Variants in TBC1D5 observed in about 807,000 individuals in gnomAD.
TBC1D5 encodes TBC1 domain family member 5.
TBC1D5 carries 75 observed loss-of-function variants against 100.3 expected under a neutral mutation model. The ratio of observed to expected loss-of-function variants is 0.75; its 90% CI spans 0.62 to 0.91. TBC1D5 has a LOEUF of 0.91. Ranked by LOEUF, TBC1D5 falls within the 40% of genes least tolerant of loss-of-function variation. The probability of loss-of-function intolerance (pLI) is 0.00; values close to 1 mark genes in which losing one functional copy is unlikely to be tolerated. For synonymous variants in TBC1D5, 323 were observed against 325.6 expected (o/e 0.99, Z 0.09); for missense variants, 910 against 942.4 (o/e 0.97, Z 0.45).
intron 1 of TBC1D5, among the ~76,000 whole-genome samples, chr3:17,736,561 C>A (rs949394562): frequency 6.6e-6 from 1 of 152,176 alleles, no homozygotes; most frequent in South Asian, 2.1e-4. Flanking sequence ...ATCAACTCCA[C>A]GTCTCCAACC....
In TBC1D5 at chr3:17,513,077, T is replaced by C. The variant is rs187417170; in HGVS notation, c.-35-4472A>G. Among the ~76,000 whole-genome samples, 29 of 152,314 alleles carry C rather than the reference T, an allele frequency of 1.9e-4. No homozygotes were observed. The East Asian group carries it at 4.2e-3, about 22-fold the overall frequency. ...GGCCGGGCATGGTGGCTTATGTCTATAATCCCAGCACTTTGGGAGGCAGAG... is the reference window on the plus strand; with the variant it reads ...GGCCGGGCATGGTGGCTTATGTCTACAATCCCAGCACTTTGGGAGGCAGAG... On this transcript the variant is annotated intron_variant, in intron 2 of 21. Transcript: ENST00000253692.
At chr3:17,693,717 G>A (rs1161708808) in intron 1 of TBC1D5, among the ~76,000 whole-genome samples, 1 of 152,256 alleles carries the variant, frequency 6.6e-6, no homozygotes, top group Non-Finnish European at 1.5e-5. Context: ...TGACGGCTCT[G>A]AAGAGAGCAG....
At chr3:17,311,186 T>C (rs1204758821) in intron 13 of TBC1D5, among the ~76,000 whole-genome samples, 1 of 152,034 alleles carries the variant, frequency 6.6e-6, no homozygotes, top group Non-Finnish European at 1.5e-5. Flanking sequence ...AGAGTTTAAG[T>C]TACACTTAAG....
rs566616800 is a variant in TBC1D5 at position 17,710,029 on chromosome 3, C to A, written c.-101+29314G>T. Among the ~76,000 whole-genome samples the A allele has an allele frequency of 1.3e-5, 2 of 152,148 alleles. 1 individual carries two copies. Among genetic ancestry groups the A allele is most frequent in the South Asian group, 4.2e-4 (2 of 4,818 alleles). On this transcript the variant is annotated intron_variant, in intron 1 of 21. Transcript: ENST00000253692. The stretch of plus-strand genomic sequence containing the variant: ...ATTATTTAGAAGCCTTGTGCTCAAT[C>A]TAAAGAATACATACCTCAACATTTT...
intron 8 of TBC1D5, among the ~76,000 whole-genome samples, chr3:17,394,228 T>C (rs2093437432): frequency 6.6e-6 from 1 of 152,122 alleles, no homozygotes. Context: ...TTGAATAAGA[T>C]TTGAGATACT....
chr3:17,563,845 T>G (rs567974059), intron 2 of TBC1D5, among the ~76,000 whole-genome samples: 12 of 152,306 alleles, frequency 7.9e-5, no homozygotes, highest in Admixed American at 4.6e-4. Context: ...TGCAGTGGCT[T>G]GATCTCAGCT....
intron 1 of TBC1D5, among the ~76,000 whole-genome samples, chr3:17,732,246 A>G (rs2076622995): frequency 6.6e-6 from 1 of 151,974 alleles, no homozygotes; most frequent in Admixed American, 6.6e-5. Context: ...TGAACCTATG[A>G]GGCAGAGATT....
chr3:17,521,187 TA>T (rs765526456), intron 2 of TBC1D5, among the ~76,000 whole-genome samples: 23 of 152,288 alleles, frequency 1.5e-4, no homozygotes, highest in Middle Eastern at 3.4e-3. Context: ...AGACTATTCT[TA>T]AACAGTTCTG....
intron 4 of TBC1D5, among the ~76,000 whole-genome samples, chr3:17,425,308 C>G (rs1389172306): frequency 1.3e-5 from 2 of 152,142 alleles, no homozygotes; most frequent in African/African-American, 4.8e-5. Context: ...AGGATCTGAA[C>G]CAGTACACTA....
At chr3:17,426,666 A>T (rs2094343630) in intron 4 of TBC1D5, among the ~76,000 whole-genome samples, 1 of 152,076 alleles carries the variant, frequency 6.6e-6, no homozygotes, top group Non-Finnish European at 1.5e-5. Flanking sequence ...ACTAGGAGTT[A>T]CTTTTCAAAA....
At chr3:17,317,613 A>G (rs1466152977) in intron 13 of TBC1D5, among the ~76,000 whole-genome samples, 5 of 152,276 alleles carry the variant, frequency 3.3e-5, no homozygotes, top group Non-Finnish European at 7.3e-5. Context: ...CTATGTGTAT[A>G]TAATATTTTT....
intron 15 of TBC1D5, among the ~76,000 whole-genome samples, chr3:17,289,541 G>A (rs1240537023): frequency 6.6e-6 from 1 of 151,918 alleles, no homozygotes; most frequent in Non-Finnish European, 1.5e-5. Flanking sequence ...GGGTGAGGCA[G>A]GAGAATCGCT....
chr3:17,398,291 A>T (rs1490280617), intron 8 of TBC1D5, among the ~76,000 whole-genome samples: 1 of 152,138 alleles, frequency 6.6e-6, no homozygotes. Flanking sequence ...AATTAATTGA[A>T]ATGATTGCAA....
chr3:17,564,325 A>G (rs2096580385), intron 2 of TBC1D5, among the ~76,000 whole-genome samples: 1 of 152,316 alleles, frequency 6.6e-6, no homozygotes, highest in Admixed American at 6.5e-5. Flanking sequence ...CATACCCTAT[A>G]AAGTGAAATA....
chr3:17,309,198 A>T (rs2083719640), intron 13 of TBC1D5, among the ~76,000 whole-genome samples: 1 of 152,038 alleles, frequency 6.6e-6, no homozygotes, highest in South Asian at 2.1e-4. Flanking sequence ...GGCAAAAAAA[A>T]TTCAAATATT....
intron 4 of TBC1D5, 69 bp downstream of exon 4, chr3:17,428,381 T>A (rs2094381961): frequency 6.0e-6 from 3 of 501,000 alleles, no homozygotes; most frequent in Admixed American, 1.0e-4. Context: ...TTATACATTA[T>A]CTTATAATAT....
chr3:17,209,386 AGCAAT>A (rs1246141602), intron 18 of TBC1D5, among the ~76,000 whole-genome samples: 1 of 152,182 alleles, frequency 6.6e-6, no homozygotes, highest in Non-Finnish European at 1.5e-5. Flanking sequence ...CCTGGACTCA[AGCAAT>A]GCTCCCAACT....
intron 1 of TBC1D5, among the ~76,000 whole-genome samples, chr3:17,674,684 C>G (rs929802566): frequency 2.6e-5 from 4 of 151,866 alleles, no homozygotes; most frequent in Non-Finnish European, 5.9e-5. Flanking sequence ...TTTTCTAGGA[C>G]CTTCCTGCAC....
intron 1 of TBC1D5, among the ~76,000 whole-genome samples, chr3:17,679,090 A>T (rs1428852936): frequency 4.6e-5 from 7 of 151,180 alleles, no homozygotes; most frequent in Admixed American, 4.6e-4. Flanking sequence ...AAAAAAAAAA[A>T]AACAATGAGT....
Sources: allele counts gnomAD v4.1 joint callset (sites outside exome capture counted in the v4.1 genomes callset), GRCh38; gene constraint gnomAD v4.1.1; transcripts MANE v1.5; gene names NCBI Gene and HGNC (gene_info 2026-07-23, HGNC 2026-07-21).